Variants in CTBP1 observed in about 807,000 individuals in gnomAD.
The protein encoded by CTBP1 is C-terminal-binding protein 1.
Under a neutral mutation model 42.1 loss-of-function variants are expected in CTBP1, and 11 were observed. The ratio of observed to expected loss-of-function variants is 0.26; its 90% CI spans 0.16 to 0.43. CTBP1 has a LOEUF of 0.43. Ranked by LOEUF, CTBP1 falls within the 20% of genes least tolerant of loss-of-function variation. The pLI, the probability that CTBP1 is intolerant of heterozygous loss-of-function variation, is 1.00. For missense variants in CTBP1, 399 were observed against 624.3 expected (o/e 0.64, Z 3.85); for synonymous variants, 324 against 277.1 (o/e 1.17, Z -1.68).
At chr4:1,237,631 G>T (rs1239139139) in intron 3 of CTBP1, 2 of 620,068 alleles carry the variant, frequency 3.2e-6, no homozygotes, top group Admixed American at 4.4e-5. Flanking sequence ...ATGGGGCTCA[G>T]GACAAACCCC....
In CTBP1 at chr4:1,212,271, G is replaced by C; in HGVS notation, c.1259C>G (p.Ala420Gly). The change falls in exon 10 of 10, where the codon GCG becomes GGG. Residue 420 changes from alanine (A) to glycine (G), a missense_variant. Ala to Gly is a moderately conservative substitution (Grantham distance 60, BLOSUM62 0). Around this residue, in one of 4 missense-constraint regions of CTBP1, gnomAD observed 60 missense variants for 46.5 expected, o/e 1.29. Coordinates refer to ENST00000382952, the MANE Select transcript of CTBP1 (RefSeq NM_001012614.2). ...PSPGQTVKPEADRDHASDQL is the reference protein window; with the variant it reads ...PSPGQTVKPEGDRDHASDQL ...CTGGTCACTGGCGTGGTCTCTATCC[G>C]CCTCGGGCTTGACGGTTTGGCCAGG... 2.0e-6 allele frequency: 3 copies of C among 1,502,106 alleles called. No homozygotes were observed. Among genetic ancestry groups the C allele is most frequent in the Non-Finnish European group, 2.7e-6 (3 of 1,124,438 alleles). 93.0% of individuals were successfully genotyped at this position (1,502,106 alleles called of 1,614,324 possible). A position where few individuals can be genotyped will look rare whatever the true frequency, so the allele number is the denominator to read the frequency against.
chr4:1,229,278 C>T (rs1233581318), intron 3 of CTBP1, among the ~76,000 whole-genome samples: 2 of 152,172 alleles, frequency 1.3e-5, no homozygotes, highest in Non-Finnish European at 2.9e-5. Flanking sequence ...GCACCACCTG[C>T]GCATCCACCC....
chr4:1,243,530 G>A (rs1732405530), intron 1 of CTBP1: 1 of 985,216 alleles, frequency 1.0e-6, no homozygotes, highest in Admixed American at 6.2e-5. Context: ...ACAGCCCTGG[G>A]GTAGGTCTGC....
intron 1 of CTBP1, 22 bp downstream of exon 1, chr4:1,248,894 A>T: frequency 1.1e-6 from 1 of 908,260 alleles, no homozygotes; most frequent in Non-Finnish European, 1.3e-6. Context: ...GCGGCCGGAA[A>T]CGCGCGCGCG....
chr4:1,229,015 A>G (rs1312554267), intron 3 of CTBP1, among the ~76,000 whole-genome samples: 1 of 152,172 alleles, frequency 6.6e-6, no homozygotes, highest in African/African-American at 2.4e-5. Flanking sequence ...AGTGTCCATG[A>G]CAACTCTTAG....
intron 3 of CTBP1, among the ~76,000 whole-genome samples, chr4:1,228,770 T>C (rs999746757): frequency 6.6e-6 from 1 of 151,472 alleles, no homozygotes; most frequent in African/African-American, 2.4e-5. Context: ...TGCAGCTGGG[T>C]GGGGTGGCCA....
At chr4:1,249,543 C>A (rs1057276509), upstream of CTBP1, 5 of 185,978 alleles carry the variant, frequency 2.7e-5, no homozygotes, top group Admixed American at 2.6e-4. Context: ...CTGCCGCCCT[C>A]CCGCGCTCGC....
At chr4:1,248,877 C>A in intron 1 of CTBP1, 39 bp downstream of exon 1, 1 of 962,720 alleles carries the variant, frequency 1.0e-6, no homozygotes, top group South Asian at 4.7e-5. Context: ...CCGCCCCGCC[C>A]CCGCCCGCGG....
At chr4:1,216,643 G>C (rs1225388916) in intron 5 of CTBP1, 3 of 239,572 alleles carry the variant, frequency 1.3e-5, no homozygotes, top group Non-Finnish European at 2.5e-5. Context: ...CCACTACGTG[G>C]AGACGGCAAA....
Position 1,212,490 on chromosome 4 carries a change from C to T in CTBP1, c.1107-67G>A. 3.8e-6 allele frequency: 5 copies of T among 1,328,786 alleles called. No individual in the cohort carries two copies. The South Asian group carries it at 6.6e-5, about 18-fold the overall frequency. The allele number at this position is 1,328,786 out of a possible 1,614,324, so 82.3% of individuals were successfully genotyped here. A position where few individuals can be genotyped will look rare whatever the true frequency, so the allele number is the denominator to read the frequency against. On this transcript the variant is annotated intron_variant, in intron 9 of 9. Transcript: ENST00000382952. ...GCCTGGCCAGGCCCCACCTGCCCTC[C>T]TAGCATCGGCAGCACCGAGGGGGCC...
chr4:1,220,251 A>C (rs927949115), intron 5 of CTBP1, among the ~76,000 whole-genome samples: 3 of 151,282 alleles, frequency 2.0e-5, no homozygotes, highest in African/African-American at 7.3e-5. Context: ...AAATCACGCC[A>C]CTGTACTCCA....
intron 1 of CTBP1, chr4:1,243,515 C>G (rs1050407264): frequency 1.0e-6 from 1 of 985,270 alleles, no homozygotes; most frequent in African/African-American, 1.7e-5. Context: ...ACCTCTGTCT[C>G]AGAAACAGCC....
chr4:1,213,347 G>T, intron 8 of CTBP1, 131 bp downstream of exon 8: 1 of 1,418,400 alleles, frequency 7.1e-7, no homozygotes, highest in Non-Finnish European at 9.7e-7. Context: ...CCTGCTGGGG[G>T]TGCAGTGAGA....
At chr4:1,248,051 T>C (rs1021436073) in intron 1 of CTBP1, among the ~76,000 whole-genome samples, 2 of 152,180 alleles carry the variant, frequency 1.3e-5, no homozygotes, top group African/African-American at 4.8e-5. Flanking sequence ...GCACGGACTC[T>C]GCCTTTGCAG....
rs143718358 is a variant in CTBP1, at chr4:1,245,698, C to T, written c.-189+3218G>A. On this transcript the variant is annotated intron_variant, in intron 1 of 9. Coordinates refer to ENST00000382952, the MANE Select transcript of CTBP1 (RefSeq NM_001012614.2). The stretch of plus-strand genomic sequence containing the variant: ...GGTGGCACGGGTGGGCAGGGTGGCA[C>T]GGGCGGGCAGGATGGCACAAGCAGG... 1.5e-3 allele frequency: 1,481 copies of T among 983,134 alleles called. 12 individuals are homozygous for T. In the African/African-American group the frequency reaches 0.018, roughly 12 times the overall value. The allele number at this position is 983,134 out of a possible 1,614,324, so 60.9% of individuals were successfully genotyped here.
chr4:1,240,048 C>G (rs151211381), intron 2 of CTBP1, among the ~76,000 whole-genome samples: 94 of 152,358 alleles, frequency 6.2e-4, no homozygotes, highest in Non-Finnish European at 1.1e-3. Context: ...TCTCAGTATC[C>G]TTGGATTTCA....
At chr4:1,218,507 A>T (rs1353522906) in intron 5 of CTBP1, 1 of 152,128 alleles carries the variant, frequency 6.6e-6, no homozygotes, top group Non-Finnish European at 1.5e-5. Context: ...CAGGAACGTG[A>T]CGCCCGAGGA....
At chr4:1,214,615 C>T in intron 6 of CTBP1, 142 bp from the exon 7 acceptor site, 1 of 1,134,434 alleles carries the variant, frequency 8.8e-7, no homozygotes, top group South Asian at 1.8e-5. Context: ...CACCACGGCG[C>T]TAGGACTGAA....
At chr4:1,244,719 A>C (rs1732541042) in intron 1 of CTBP1, 1 of 985,026 alleles carries the variant, frequency 1.0e-6, no homozygotes, top group Non-Finnish European at 1.2e-6. Flanking sequence ...TGTCCCCATA[A>C]GCCCTGATTA....
Sources: gnomAD v4.1 joint callset for allele counts (sites outside exome capture counted in the v4.1 genomes callset) on GRCh38, gnomAD v4.1.1 for gene constraint, gnomAD v4.1.1 regional missense constraint, MANE v1.5 for transcripts, NCBI Gene and HGNC (gene_info 2026-07-23, HGNC 2026-07-21) for gene names.